Variants in ATRNL1 observed in about 807,000 individuals in gnomAD.
ATRNL1 encodes attractin like 1.
A neutral mutation model predicts 182.7 loss-of-function variants in ATRNL1; 95 were observed. That is an observed-to-expected ratio of 0.52 (90% CI 0.44 to 0.62). The LOEUF (loss-of-function observed/expected upper bound fraction) is 0.62. ATRNL1 is among the 20% of genes least tolerant of loss of function. The pLI, the probability that ATRNL1 is intolerant of heterozygous loss-of-function variation, is 0.00. For missense variants in ATRNL1, 1,471 were observed against 1,679.5 expected (o/e 0.88, Z 2.17); for synonymous variants, 576 against 568.3 (o/e 1.01, Z -0.19).
At chr10:115,573,307 C>G (rs1854515265) in intron 26 of ATRNL1, among the ~76,000 whole-genome samples, 1 of 151,974 alleles carries the variant, frequency 6.6e-6, no homozygotes, top group Non-Finnish European at 1.5e-5. Context: ...CAGCCAAATT[C>G]TTCTCAGTGT....
intron 27 of ATRNL1, among the ~76,000 whole-genome samples, chr10:115,838,408 G>A (rs1404634069): frequency 6.6e-6 from 1 of 152,154 alleles, no homozygotes; most frequent in Non-Finnish European, 1.5e-5. Flanking sequence ...CAGGGAAGAA[G>A]ATATTGTGGA....
At chr10:115,554,767 T>C (rs1294203742) in intron 26 of ATRNL1, among the ~76,000 whole-genome samples, 2 of 151,662 alleles carry the variant, frequency 1.3e-5, no homozygotes, top group African/African-American at 4.8e-5. Flanking sequence ...TTCATAATTA[T>C]ACACAGGATT....
At chr10:115,397,539 A>G (rs1554955942) in intron 20 of ATRNL1, among the ~76,000 whole-genome samples, 1 of 151,950 alleles carries the variant, frequency 6.6e-6, no homozygotes, top group East Asian at 1.9e-4. Context: ...GTGTTCAATA[A>G]ATTTGTTTAA....
intron 8 of ATRNL1, among the ~76,000 whole-genome samples, chr10:115,208,639 T>C (rs1848896979): frequency 1.3e-5 from 2 of 152,064 alleles, no homozygotes; most frequent in Non-Finnish European, 2.9e-5. Context: ...ATTTTTCTAT[T>C]GTTGCTTGGA....
chr10:115,529,175 T>A (rs562511434), intron 25 of ATRNL1, among the ~76,000 whole-genome samples: 2 of 152,206 alleles, frequency 1.3e-5, no homozygotes, highest in Admixed American at 1.3e-4. Flanking sequence ...TATTATCTTC[T>A]GTCTGATTGT....
At chr10:115,383,235 G>A (rs534200781) in intron 19 of ATRNL1, among the ~76,000 whole-genome samples, 2 of 151,444 alleles carry the variant, frequency 1.3e-5, no homozygotes, top group Admixed American at 1.3e-4. Flanking sequence ...GATCATGGTG[G>A]GAATCTGTTA....
At chr10:115,602,752 A>G (rs1856670055) in intron 26 of ATRNL1, among the ~76,000 whole-genome samples, 1 of 151,862 alleles carries the variant, frequency 6.6e-6, no homozygotes, top group Admixed American at 6.6e-5. Context: ...AGTCACAGCT[A>G]CTGAGGTAGG....
intron 27 of ATRNL1, among the ~76,000 whole-genome samples, chr10:115,774,295 G>A (rs1396574404): frequency 1.3e-5 from 2 of 151,874 alleles, no homozygotes; most frequent in Non-Finnish European, 2.9e-5. Flanking sequence ...AGGCATGATG[G>A]CAGGCACCTG....
At chr10:115,936,010 C>T (rs147076077) in intron 28 of ATRNL1, among the ~76,000 whole-genome samples, 2 of 152,162 alleles carry the variant, frequency 1.3e-5, no homozygotes, top group Non-Finnish European at 2.9e-5. Context: ...TGATGTTGCT[C>T]TAAATTGACA....
At chr10:115,657,101 A>G (rs1555036186) in intron 26 of ATRNL1, among the ~76,000 whole-genome samples, 1 of 152,168 alleles carries the variant, frequency 6.6e-6, no homozygotes, top group Non-Finnish European at 1.5e-5. Context: ...CCAAGGACAT[A>G]TCAATAATGT....
intron 27 of ATRNL1, among the ~76,000 whole-genome samples, chr10:115,744,314 A>G (rs1200308025): frequency 1.3e-5 from 2 of 152,150 alleles, no homozygotes; most frequent in Non-Finnish European, 2.9e-5. Context: ...AGTGCTCTAT[A>G]CTAGACATTC....
chr10:115,213,160 A>T (rs1478234298), intron 8 of ATRNL1, among the ~76,000 whole-genome samples: 1 of 152,016 alleles, frequency 6.6e-6, no homozygotes, highest in Non-Finnish European at 1.5e-5. Context: ...TGTCGGTATG[A>T]CAGGGAGTTT....
chr10:115,452,448 A>C (rs1554967844), intron 21 of ATRNL1, among the ~76,000 whole-genome samples: 1 of 152,084 alleles, frequency 6.6e-6, no homozygotes, highest in African/African-American at 2.4e-5. Context: ...TTGATATAGG[A>C]TATAAATCCA....
intron 9 of ATRNL1, among the ~76,000 whole-genome samples, chr10:115,236,334 G>C (rs1554901401): frequency 6.6e-6 from 1 of 152,136 alleles, no homozygotes. Flanking sequence ...CTTAAATGCT[G>C]TCTGTCTAAA....
At chr10:115,140,103 A>G (rs1554877687) in intron 5 of ATRNL1, among the ~76,000 whole-genome samples, 1 of 152,198 alleles carries the variant, frequency 6.6e-6, no homozygotes, top group Non-Finnish European at 1.5e-5. Flanking sequence ...GAGAGAAAGA[A>G]TTGTAAATTG....
chr10:115,095,903 G>A (rs539065560), intron 1 of ATRNL1, among the ~76,000 whole-genome samples: 90 of 152,226 alleles, frequency 5.9e-4, no homozygotes, highest in African/African-American at 2.1e-3. Flanking sequence ...GGTTTGCTCC[G>A]TTTGTCTAAA....
intron 19 of ATRNL1, among the ~76,000 whole-genome samples, chr10:115,389,444 T>A (rs1265354632): frequency 2.1e-5 from 3 of 141,086 alleles, no homozygotes; most frequent in African/African-American, 8.0e-5. Context: ...ACCTGGGAGG[T>A]GGAGGTTGCA....
chr10:115,237,189 A>T (rs782717269), intron 9 of ATRNL1, among the ~76,000 whole-genome samples: 4 of 152,206 alleles, frequency 2.6e-5, no homozygotes, highest in Non-Finnish European at 5.9e-5. Flanking sequence ...GACAATTATG[A>T]ATAAAGCTGC....
intron 26 of ATRNL1, among the ~76,000 whole-genome samples, chr10:115,573,894 C>T (rs1360746017): frequency 6.6e-6 from 1 of 152,034 alleles, no homozygotes; most frequent in East Asian, 1.9e-4. Context: ...TTTCAAAATA[C>T]TGAATAATCA....
Sources: allele counts gnomAD v4.1 joint callset (sites outside exome capture counted in the v4.1 genomes callset), GRCh38; gene constraint gnomAD v4.1.1; transcripts MANE v1.5; gene names NCBI Gene and HGNC (gene_info 2026-07-23, HGNC 2026-07-21).